Variants in SGIP1 observed in about 807,000 individuals in gnomAD.
SGIP1 encodes the protein SH3GL interacting endocytic adaptor 1, also known as SH3-containing GRB2-like protein 3-interacting protein 1.
In SGIP1, 38 loss-of-function variants were observed where a neutral mutation model predicts 107.5. The observed-to-expected ratio is 0.35, with a 90% CI of 0.27 to 0.46. SGIP1 has a LOEUF of 0.46. Among genes scored for constraint, SGIP1 ranks in the 20% least tolerant of loss-of-function variants. The pLI, the probability that SGIP1 is intolerant of heterozygous loss-of-function variation, is 1.00. For missense variants in SGIP1, 929 were observed against 1,019.5 expected, an observed-to-expected ratio of 0.91 and a Z score of 1.21; for synonymous variants, 365 against 366.1, an observed-to-expected ratio of 1.00 and a Z score of 0.03.
chr1:66,690,362 G>A (rs766042661), intron 17 of SGIP1, 46 bp downstream of exon 17: 5 of 1,608,512 alleles, frequency 3.1e-6, no homozygotes, highest in Non-Finnish European at 4.2e-6. Context: ...GTTTTGACTG[G>A]CTATTTTTTA....
chr1:66,682,889 T>C (rs1440122409), intron 15 of SGIP1, among the ~76,000 whole-genome samples: 1 of 151,874 alleles, frequency 6.6e-6, no homozygotes, highest in East Asian at 1.9e-4. Flanking sequence ...CTAATTTCTT[T>C]AAAAAGACAT....
intron 1 of SGIP1, among the ~76,000 whole-genome samples, chr1:66,602,611 G>A (rs2066067846): frequency 6.6e-6 from 1 of 151,806 alleles, no homozygotes; most frequent in Admixed American, 6.6e-5. Context: ...TGCACGTTGT[G>A]CACATGTACC....
At chr1:66,612,218 C>T (rs2068177131) in intron 1 of SGIP1, among the ~76,000 whole-genome samples, 1 of 152,156 alleles carries the variant, frequency 6.6e-6, no homozygotes, top group Non-Finnish European at 1.5e-5. Context: ...AACCAGCTCT[C>T]ATAGAAATTA....
intron 19 of SGIP1, among the ~76,000 whole-genome samples, chr1:66,725,743 G>C (rs2093725127): frequency 6.6e-6 from 1 of 152,234 alleles, no homozygotes; most frequent in South Asian, 2.1e-4. Flanking sequence ...GATTGCTCCA[G>C]CTTACCTGCT....
chr1:66,718,262 G>T (rs2093352296), intron 18 of SGIP1, among the ~76,000 whole-genome samples: 1 of 151,944 alleles, frequency 6.6e-6, no homozygotes, highest in Non-Finnish European at 1.5e-5. Context: ...TGGCAGGAAG[G>T]GGAAGCAGTG....
At chr1:66,634,093 A>G in intron 3 of SGIP1, 1 of 1,607,082 alleles carries the variant, frequency 6.2e-7, no homozygotes, top group Non-Finnish European at 8.5e-7. Flanking sequence ...GGGAAAAAAA[A>G]GACCCAGAAG....
intron 1 of SGIP1, among the ~76,000 whole-genome samples, chr1:66,571,782 C>A (rs1357152319): frequency 6.6e-6 from 1 of 151,932 alleles, no homozygotes; most frequent in Non-Finnish European, 1.5e-5. Context: ...TTCTTCCTTG[C>A]TTAACATTCC....
At chr1:66,554,909 A>G (rs1337682294) in intron 1 of SGIP1, among the ~76,000 whole-genome samples, 1 of 152,144 alleles carries the variant, frequency 6.6e-6, no homozygotes, top group Non-Finnish European at 1.5e-5. Context: ...TATAAAAGTG[A>G]TTATCTTTAA....
intron 1 of SGIP1, among the ~76,000 whole-genome samples, chr1:66,566,586 T>G (rs2059672171): frequency 6.6e-6 from 1 of 151,918 alleles, no homozygotes; most frequent in African/African-American, 2.4e-5. Context: ...TGGGTCTAGT[T>G]TTTCATCTGT....
In SGIP1 at chr1:66,746,746, C is replaced by T. The variant is rs1375161872; in HGVS notation, c.*3651C>T. On this transcript the variant is annotated 3_prime_UTR_variant, in exon 25 of 25. Transcript: ENST00000371037. The stretch of plus-strand genomic sequence containing the variant: ...AGCTATTCTGACTGCAAAGGAAACG[C>T]CTTAATTGCTTTGTCCACCCTGAAC... The T allele has an allele frequency of 1.3e-5, 2 of 152,012 alleles. No individual in the cohort carries two copies. The highest frequency in any genetic ancestry group is 4.8e-5 in the African/African-American group (2 of 41,410). The allele number at this position is 152,012 out of a possible 1,614,324, so 9.4% of individuals were successfully genotyped here. A position where few individuals can be genotyped will look rare whatever the true frequency, so the allele number is the denominator to read the frequency against.
chr1:66,668,765 C>A (rs2083144342), intron 9 of SGIP1, among the ~76,000 whole-genome samples: 1 of 152,200 alleles, frequency 6.6e-6, no homozygotes, highest in Non-Finnish European at 1.5e-5. Context: ...GATTCCAACC[C>A]AGCTGTTAAG....
At chr1:66,649,220 C>G (rs1381388759) in intron 7 of SGIP1, among the ~76,000 whole-genome samples, 1 of 151,758 alleles carries the variant, frequency 6.6e-6, no homozygotes, top group African/African-American at 2.4e-5. Flanking sequence ...CAAATCTGAT[C>G]TGCCTTTTAG....
chr1:66,658,477 T>C (rs1042838872), intron 7 of SGIP1, among the ~76,000 whole-genome samples: 1 of 152,078 alleles, frequency 6.6e-6, no homozygotes, highest in African/African-American at 2.4e-5. Flanking sequence ...TGAGGACACA[T>C]AGCTTGTGCC....
chr1:66,742,657 G>C (rs553779321), intron 24 of SGIP1, among the ~76,000 whole-genome samples: 3 of 149,258 alleles, frequency 2.0e-5, no homozygotes, highest in Non-Finnish European at 4.4e-5. Context: ...TTTTAGTAGA[G>C]ACGGGGTTTC....
chr1:66,660,282 T>C, intron 7 of SGIP1: 1 of 525,022 alleles, frequency 1.9e-6, no homozygotes, highest in Non-Finnish European at 3.3e-6. Context: ...AAGTTTAGAA[T>C]GTGCTCAGAT....
chr1:66,639,921 A>C, intron 5 of SGIP1, 88 bp downstream of exon 5: 1 of 1,034,782 alleles, frequency 9.7e-7, no homozygotes, highest in Non-Finnish European at 1.5e-6. Flanking sequence ...CTTAGAAATA[A>C]GCGAAATGCT....
chr1:66,691,759 A>G (rs1325782268), intron 17 of SGIP1, among the ~76,000 whole-genome samples: 1 of 152,176 alleles, frequency 6.6e-6, no homozygotes, highest in Non-Finnish European at 1.5e-5. Flanking sequence ...TCAGAGAGGA[A>G]AGTAAGAGTA....
chr1:66,639,732 T>C, intron 4 of SGIP1, 45 bp from the exon 5 acceptor site: 3 of 1,468,514 alleles, frequency 2.0e-6, no homozygotes, highest in Non-Finnish European at 2.9e-6. Flanking sequence ...CCTTTGTTTT[T>C]ATTCAAATGT....
chr1:66,565,435 T>C (rs1571408578), intron 1 of SGIP1, among the ~76,000 whole-genome samples: 2 of 151,980 alleles, frequency 1.3e-5, no homozygotes, highest in Admixed American at 1.3e-4. Flanking sequence ...AACTTAATTA[T>C]GTTAGAGTTG....
Sources: allele counts gnomAD v4.1 joint callset (sites outside exome capture counted in the v4.1 genomes callset), GRCh38; gene constraint gnomAD v4.1.1; transcripts MANE v1.5; gene names NCBI Gene and HGNC (gene_info 2026-07-23, HGNC 2026-07-21).